TPR: variants seen among roughly 807,000 people sequenced by gnomAD.
TPR encodes nucleoprotein TPR.
TPR carries 51 observed loss-of-function variants against 316.1 expected under a neutral mutation model. The observed-to-expected ratio is 0.16, with a 90% CI of 0.13 to 0.20. TPR has a LOEUF of 0.20. TPR is among the 10% of genes least tolerant of loss of function. The probability of loss-of-function intolerance (pLI) is 1.00; values close to 1 mark genes in which losing one functional copy is unlikely to be tolerated. For missense variants in TPR, 2,272 were observed against 2,754.8 expected (o/e 0.82, Z 3.92); for synonymous variants, 981 against 914.7 (o/e 1.07, Z -1.31).
Position 186,375,040 on chromosome 1 carries a change from C to G in TPR, c.-12G>C, listed in dbSNP as rs1028302797. 1.2e-6 allele frequency: 2 copies of G among 1,613,916 alleles called. No homozygotes were observed. Among genetic ancestry groups the G allele is most frequent in the Middle Eastern group, 1.6e-4 (1 of 6,062 alleles). On this transcript the variant is annotated 5_prime_UTR_variant, in exon 1 of 51. Coordinates refer to ENST00000367478, the MANE Select transcript of TPR (RefSeq NM_003292.3). ...AACACCGCCGCCATGTCGGTGGGGC[C>G]AGGGACCCCAGTGGCAGCGGCCGAC... is the stretch of plus-strand genomic sequence containing the variant.
chr1:186,321,808 G>A (rs2102052762), intron 45 of TPR, among the ~76,000 whole-genome samples: 1 of 152,184 alleles, frequency 6.6e-6, no homozygotes, highest in South Asian at 2.1e-4. Context: ...GCTTTCACAA[G>A]AATACTATAA....
intron 6 of TPR, 33 bp from the exon 7 acceptor site, chr1:186,362,413 T>C: frequency 1.9e-6 from 3 of 1,538,910 alleles, no homozygotes; most frequent in Non-Finnish European, 2.7e-6. Flanking sequence ...GGGGAAAGGA[T>C]GTCATATTAA....
chr1:186,321,711 T>C (rs114048665), intron 45 of TPR, among the ~76,000 whole-genome samples: 6 of 152,306 alleles, frequency 3.9e-5, no homozygotes, highest in Non-Finnish European at 7.4e-5. Flanking sequence ...ATAAATTACT[T>C]CTTCATTTGT....
chr1:186,331,658 A>AT (rs1417701629), intron 38 of TPR, 77 bp from the exon 39 acceptor site: 2 of 939,870 alleles, frequency 2.1e-6, no homozygotes, highest in African/African-American at 3.4e-5. Flanking sequence ...TAGTTCTCTC[A>AT]TTTGAAAAAA....
intron 1 of TPR, among the ~76,000 whole-genome samples, chr1:186,373,962 G>A (rs570190832): frequency 6.6e-6 from 1 of 152,194 alleles, no homozygotes; most frequent in African/African-American, 2.4e-5. Context: ...CATAGTATCA[G>A]GAACATGTAA....
chr1:186,322,266 A>G, intron 45 of TPR, 52 bp downstream of exon 45: 1 of 1,503,212 alleles, frequency 6.7e-7, no homozygotes, highest in South Asian at 1.2e-5. Context: ...CTAACAGAGA[A>G]AGACTAAAAG....
chr1:186,352,398 G>A (rs1032787862), intron 18 of TPR, among the ~76,000 whole-genome samples: 3 of 152,144 alleles, frequency 2.0e-5, no homozygotes, highest in East Asian at 1.9e-4. Context: ...TAATATGTGA[G>A]AAGAAGAAAG....
chr1:186,342,501 G>A (rs1658540043), intron 27 of TPR: 4 of 152,262 alleles, frequency 2.6e-5, no homozygotes, highest in African/African-American at 4.8e-5. Flanking sequence ...TATTGAACTG[G>A]AGGCTCTATT....
At chr1:186,334,625 T>A (rs1373784488) in intron 35 of TPR, 92 bp from the exon 36 acceptor site, 3 of 1,321,602 alleles carry the variant, frequency 2.3e-6, no homozygotes, top group Non-Finnish European at 3.1e-6. Context: ...CATTTTTTTG[T>A]TCACTAAATA....
chr1:186,317,674 T>C, intron 48 of TPR, 74 bp from the exon 49 acceptor site: 1 of 1,354,794 alleles, frequency 7.4e-7, no homozygotes, highest in Non-Finnish European at 1.0e-6. Context: ...CTCTTTTAAA[T>C]CTATTTTATC....
Position 186,336,532 on chromosome 1 carries a change from T to C in TPR, c.4669A>G (p.Ile1557Val), listed in dbSNP as rs1412830959. The C allele has an allele frequency of 1.2e-6, 2 of 1,613,790 alleles. No homozygotes were observed. The highest frequency in any genetic ancestry group is 1.7e-6 in the Non-Finnish European group (2 of 1,179,900). ...GCAATTTTTGACTTTGCTGCTACAA[T>C]AGCCTTTCTGGTTTTTTCTTCCTTT... ...TEKEEKTRKA[I>V]VAAKSKIAHL... Residue 1557 changes from isoleucine to valine, a missense_variant, in exon 33 of 51, where the codon ATT (isoleucine) becomes GTT (valine). This residue lies in a region of TPR where 109 missense variants were observed against 215.3 expected (regional missense o/e 0.51). Transcript: ENST00000367478.
chr1:186,357,625 T>C lies in TPR; in HGVS notation c.1498-2A>G. 1 of 1,611,840 alleles carries C rather than the reference T, an allele frequency of 6.2e-7. No homozygotes were observed. The highest frequency in any genetic ancestry group is 1.7e-5 in the Admixed American group (1 of 59,588). On this transcript the variant is annotated splice_acceptor_variant, in intron 13 of 50. Coordinates refer to ENST00000367478, the MANE Select transcript of TPR (RefSeq NM_003292.3). LOFTEE classifies it high-confidence loss of function. ...AAGTTCCATCAAAAGCACTCTAATCTAAAAACAAAGTTTTAATATGTTATA... is the reference window on the plus strand; with the variant it reads ...AAGTTCCATCAAAAGCACTCTAATCCAAAAACAAAGTTTTAATATGTTATA...
At chr1:186,318,639 A>T (rs777265499) in intron 47 of TPR, 36 bp from the exon 48 acceptor site, 1 of 1,603,448 alleles carries the variant, frequency 6.2e-7, no homozygotes, top group South Asian at 1.1e-5. Flanking sequence ...GAACTTTAAA[A>T]CTTTGTGGTT....
chr1:186,336,853 G>GA (rs1314791211), intron 32 of TPR, among the ~76,000 whole-genome samples, 159 bp from the exon 33 acceptor site: 2 of 152,164 alleles, frequency 1.3e-5, no homozygotes, highest in Admixed American at 6.6e-5. Context: ...ATGCACACTT[G>GA]AAGATGATTG....
chr1:186,328,534 G>T (rs1309676738), intron 39 of TPR, among the ~76,000 whole-genome samples: 5 of 151,848 alleles, frequency 3.3e-5, no homozygotes. Context: ...CAATACAGCT[G>T]CAGACCAAAG....
chr1:186,335,285 G>A, intron 34 of TPR, 53 bp downstream of exon 34: 1 of 1,595,980 alleles, frequency 6.3e-7, no homozygotes, highest in Admixed American at 1.7e-5. Context: ...GCACTTTCAA[G>A]TAAAATGTAC....
At position 186,340,913 on chromosome 1, in the gene TPR, C is replaced by T. The variant is rs111555724; in HGVS notation, c.4020+115G>A. ...ATGTATTAATAACATAATAGACTTT[C>T]ACTAATAAACACAGTAATTTTCACT... On this transcript the variant is annotated intron_variant, in intron 29 of 50. Transcript: ENST00000367478. 1.9e-4 allele frequency: 249 copies of T among 1,287,326 alleles called. 2 individuals carry two copies. The African/African-American group carries it at 3.1e-3, about 16-fold the overall frequency. The allele number at this position is 1,287,326 out of a possible 1,614,324, so 79.7% of individuals were successfully genotyped here.
intron 32 of TPR, 97 bp downstream of exon 32, chr1:186,336,916 A>T (rs1413221808): frequency 6.5e-7 from 1 of 1,543,642 alleles, no homozygotes; most frequent in Admixed American, 1.8e-5. Flanking sequence ...AAATGTATCC[A>T]TTCCCACATG....
In TPR at chr1:186,350,318, A is replaced by G; in HGVS notation, c.2681T>C (p.Leu894Ser). The change falls in exon 21 of 51, where the codon TTA becomes TCA. Residue 894 changes from leucine to serine, a missense_variant. Physicochemically the swap from Leu to Ser is moderately radical, Grantham distance 145. Coordinates refer to ENST00000367478, the MANE Select transcript of TPR (RefSeq NM_003292.3). The stretch of plus-strand genomic sequence containing the variant: ...GGCAATTTCTTTTTGAGCATTTTTT[A>G]ATAGTTCTTTTGTGTTAAGATGAAG... ...TNLHLNTKEL[L>S]KNAQKEIATL... 1 of 1,613,622 alleles carries G rather than the reference A, an allele frequency of 6.2e-7. No individual in the cohort carries two copies. Among genetic ancestry groups the G allele is most frequent in the Non-Finnish European group, 8.5e-7 (1 of 1,179,764 alleles).
Sources: gnomAD v4.1 joint callset for allele counts (sites outside exome capture counted in the v4.1 genomes callset) on GRCh38, gnomAD v4.1.1 for gene constraint, gnomAD v4.1.1 regional missense constraint, MANE v1.5 for transcripts, NCBI Gene and HGNC (gene_info 2026-07-23, HGNC 2026-07-21) for gene names.